CARS2: variants seen among roughly 807,000 people sequenced by gnomAD.
CARS2 encodes probable cysteine--tRNA ligase, mitochondrial.
A neutral mutation model predicts 68.8 loss-of-function variants in CARS2; 52 were observed. The ratio of observed to expected loss-of-function variants is 0.76; its 90% confidence interval spans 0.61 to 0.95. CARS2 has a LOEUF of 0.95. Ranked by LOEUF, CARS2 falls within the 40% of genes least tolerant of loss-of-function variation. CARS2 has a pLI of 0.00. For synonymous variants in CARS2, 314 were observed against 303.6 expected (o/e 1.03, Z -0.36); for missense variants, 780 against 754.2 (o/e 1.03, Z -0.40).
intron 13 of CARS2, chr13:110,642,788 G>T (rs1023674663): frequency 4.2e-6 from 3 of 707,662 alleles, no homozygotes; most frequent in East Asian, 5.3e-5. Context: ...AGGGCTGGGG[G>T]CTGCATGCCG....
chr13:110,706,325 G>T, upstream of CARS2: 1 of 301,384 alleles, frequency 3.3e-6, no homozygotes, highest in African/African-American at 2.2e-5. Context: ...CGGGGTGGAG[G>T]GAGGAGGGCG....
At chr13:110,688,124 G>A (rs938489120) in intron 3 of CARS2, 106 bp from the exon 4 acceptor site, 13 of 646,414 alleles carry the variant, frequency 2.0e-5, no homozygotes, top group Admixed American at 1.8e-4. Flanking sequence ...AACATACCCC[G>A]GCCACCTCCG....
rs1472438371 is a variant in CARS2, at chr13:110,705,833, T to C, written c.224+37A>G. On this transcript the variant is annotated intron_variant, in intron 1 of 14. Transcript: ENST00000257347. This position sits in a 1 kb window ranked among gnomAD's most constrained non-coding sequence, Gnocchi z 4.0. ...CAGCCGTGGGAAGTCTCCGCCACGA[T>C]CGGCCCCCGCCCGTGCCCCAGTCCC... 1 of 1,529,496 alleles carries C rather than the reference T, an allele frequency of 6.5e-7. No individual in the cohort carries two copies. The highest frequency in any genetic ancestry group is 8.8e-7 in the Non-Finnish European group (1 of 1,139,150). 94.7% of individuals were successfully genotyped at this position (1,529,496 alleles called of 1,614,324 possible).
At chr13:110,651,159 G>T in intron 9 of CARS2, 59 bp from the exon 10 acceptor site, 1 of 1,173,382 alleles carries the variant, frequency 8.5e-7, no homozygotes, top group Non-Finnish European at 1.3e-6. Context: ...GCACTGTTCA[G>T]AGAATATGTT....
At chr13:110,660,151 T>G (rs1171609633) in intron 9 of CARS2, among the ~76,000 whole-genome samples, 1 of 152,242 alleles carries the variant, frequency 6.6e-6, no homozygotes, top group Non-Finnish European at 1.5e-5. Flanking sequence ...ACTCCTCGTT[T>G]GTTCAACTTT....
chr13:110,673,401 G>C (rs1378594259), intron 7 of CARS2, among the ~76,000 whole-genome samples: 2 of 152,188 alleles, frequency 1.3e-5, no homozygotes, highest in African/African-American at 4.8e-5. Flanking sequence ...TGCAAGGCTG[G>C]TTCAACATAC....
At chr13:110,643,626 C>T (rs1263702143) in intron 13 of CARS2, 2 of 154,402 alleles carry the variant, frequency 1.3e-5, no homozygotes, top group Non-Finnish European at 2.9e-5. Context: ...CCCAAAAGAG[C>T]CAGAGCGCCT....
Position 110,653,214 on chromosome 13 carries a change from T to TG in CARS2, c.988-2115_988-2114insC, listed in dbSNP as rs58860682. Among the ~76,000 whole-genome samples, 2,472 of 150,968 alleles carry TG rather than the reference T, an allele frequency of 0.016. 38 individuals are homozygous for TG. Among genetic ancestry groups the TG allele is most frequent in the Middle Eastern group, 0.08 (23 of 288 alleles). ...GGGCTGGGGTATGTGTGTGTGTGTG[T>TG]TTGTGTGTGTGTGTGTGAAGAGCCC... On this transcript the variant is annotated intron_variant, in intron 9 of 14. Coordinates refer to ENST00000257347, the MANE Select transcript of CARS2 (RefSeq NM_024537.4). The surrounding 1 kb of genome is among the most constrained non-coding windows in gnomAD (Gnocchi z 5.6).
At chr13:110,682,000 T>C (rs9521897) in intron 6 of CARS2, among the ~76,000 whole-genome samples, 1,677 of 152,178 alleles carry the variant, frequency 0.011, 17 homozygotes, top group Non-Finnish European at 0.016. Context: ...GGTGGAAACA[T>C]GTCGCTATAC....
At chr13:110,688,160 C>T (rs1203251309) in intron 3 of CARS2, 142 bp from the exon 4 acceptor site, 2 of 539,082 alleles carry the variant, frequency 3.7e-6, no homozygotes. Flanking sequence ...TTTGCCCCCA[C>T]CCACTCACCA....
chr13:110,713,181 T>C lies in CARS2; in HGVS notation n.355A>G, dbSNP rs182650066. 5.3e-3 allele frequency: 7,570 copies of C among 1,427,092 alleles called. 28 individuals are homozygous for C. The highest frequency in any genetic ancestry group is 6.2e-3 in the Non-Finnish European group (6,823 of 1,095,258). The allele number at this position is 1,427,092 out of a possible 1,614,324, so 88.4% of individuals were successfully genotyped here. ...CATCGTGATTGGGCTGTCAAAGTGA[T>C]GTTGGCAAGTAGATTGGCTACTGCG... On this transcript the variant is annotated non_coding_transcript_exon_variant, in exon 1 of 3. Coordinates refer to the CARS2 transcript ENST00000485188.
chr13:110,712,372 C>A (rs370903552), intron 1 of CARS2: 6 of 165,304 alleles, frequency 3.6e-5, no homozygotes, highest in East Asian at 3.8e-4. Flanking sequence ...GGCAGCCAAG[C>A]GTGGCGAACA....
In CARS2 at chr13:110,696,923, C is replaced by T. The variant is rs1379329428; in HGVS notation, c.393+4515G>A. On this transcript the variant is annotated intron_variant, in intron 3 of 14. Coordinates refer to ENST00000257347, the MANE Select transcript of CARS2 (RefSeq NM_024537.4). ...AACGTTCCTGCCCCACCTTCCCCAT[C>T]GCCCCCATGACACCCTCCAAGTACA... is the stretch of plus-strand genomic sequence containing the variant. Among the ~76,000 whole-genome samples the T allele has an allele frequency of 3.9e-5, 6 of 152,288 alleles. No homozygotes were observed. In the South Asian group the frequency reaches 8.3e-4, roughly 21 times the overall value.
intron 5 of CARS2, among the ~76,000 whole-genome samples, chr13:110,684,232 C>T (rs2063233611): frequency 6.6e-6 from 1 of 152,192 alleles, no homozygotes; most frequent in African/African-American, 2.4e-5. Context: ...TAGCTGTCCT[C>T]AGGCCCCAGG....
At chr13:110,713,024 AGG>A (rs2064053355) in intron 1 of CARS2, 2 of 1,507,638 alleles carry the variant, frequency 1.3e-6, no homozygotes, top group Non-Finnish European at 1.8e-6. Context: ...GGACACCGAG[AGG>A]GTGCCAGTGC....
intron 3 of CARS2, among the ~76,000 whole-genome samples, chr13:110,694,018 GTTTT>G (rs1374936151): frequency 3.3e-5 from 5 of 151,950 alleles, no homozygotes; most frequent in East Asian, 2.0e-4. Flanking sequence ...TAATTTTTCG[GTTTT>G]TTTGTTTTGT....
chr13:110,713,376 T>G, exon 1 of CARS2: 1 of 1,049,748 alleles, frequency 9.5e-7, no homozygotes, highest in Non-Finnish European at 1.1e-6. Context: ...GCCGCTCCCC[T>G]GCGTTTCCCA....
At chr13:110,701,156 C>G (rs980169123) in intron 3 of CARS2, among the ~76,000 whole-genome samples, 4 of 152,178 alleles carry the variant, frequency 2.6e-5, no homozygotes, top group Non-Finnish European at 5.9e-5. Context: ...TTCGCCCCCC[C>G]AGGGTCAAGC....
intron 13 of CARS2, 193 bp from the exon 14 acceptor site, chr13:110,642,714 A>G (rs1050074236): frequency 1.3e-6 from 1 of 761,168 alleles, no homozygotes; most frequent in African/African-American, 1.7e-5. Flanking sequence ...GCAAGGCTCC[A>G]CTCAACTCTG....
Sources: allele counts gnomAD v4.1 joint callset (sites outside exome capture counted in the v4.1 genomes callset), GRCh38; gene constraint gnomAD v4.1.1; non-coding constraint Gnocchi (gnomAD v3.1); transcripts MANE v1.5; gene names NCBI Gene and HGNC (gene_info 2026-07-23, HGNC 2026-07-21).